PLEC: variants seen among roughly 807,000 people sequenced by gnomAD.
The protein encoded by PLEC is plectin.
Under a neutral mutation model 392.8 loss-of-function variants are expected in PLEC, and 216 were observed. That is an observed-to-expected ratio of 0.55 (90% confidence interval 0.49 to 0.62). The LOEUF (loss-of-function observed/expected upper bound fraction) is 0.62. Among genes scored for constraint, PLEC ranks in the 20% least tolerant of loss-of-function variants. The pLI is 0.00. For missense variants in PLEC, 6,863 were observed against 6,563.4 expected, an observed-to-expected ratio of 1.05 and a Z score of -1.58; for synonymous variants, 3,621 against 2,980.6, an observed-to-expected ratio of 1.21 and a Z score of -7.00.
intron 1 of PLEC, among the ~76,000 whole-genome samples, chr8:143,945,792 G>A (rs1054709849): frequency 1.3e-5 from 2 of 152,196 alleles, no homozygotes; most frequent in Admixed American, 6.5e-5. Context: ...GGAAGCCCGC[G>A]GACAACAAGA....
At chr8:143,950,538 C>A (rs1587360659) in exon 1 of PLEC, 2 of 1,607,762 alleles carry the variant, frequency 1.2e-6, no homozygotes, top group Non-Finnish European at 8.5e-7. Context: ...AGGCCCCGTG[C>A]CCGCAGGGAC....
At position 143,925,237 on chromosome 8, in the gene PLEC, C is replaced by T; in HGVS notation, c.4692G>A (p.Gln1564=). Residue 1564 remains glutamine, a synonymous_variant, in exon 31 of 32, where the codon CAG becomes CAA. Coordinates refer to ENST00000345136, the MANE Select transcript of PLEC (RefSeq NM_201384.3). Reference sequence around the variant, plus strand: ...TGCGCTGCGCCGTCTCCAGGGCCACCTGTACCTGCCGCGCTCGCTCCACCT... The same window carrying T: ...TGCGCTGCGCCGTCTCCAGGGCCACTTGTACCTGCCGCGCTCGCTCCACCT... ...QAEVERARQV[Q]VALETAQRSA... is the part of the protein sequence containing the mutation. 6.3e-7 allele frequency: 1 copy of T among 1,589,590 alleles called. No homozygotes were observed. The highest frequency in any genetic ancestry group is 2.2e-5 in the East Asian group (1 of 44,450).
chr8:143,921,198 G>A lies in PLEC; in HGVS notation c.8623C>T (p.Pro2875Ser). ...LQLLERCVED[P>S]ETGLCLLPLT... The stretch of plus-strand genomic sequence containing the variant: ...GGCAGAAGGCACAGGCCCGTCTCGG[G>A]GTCCTCCACGCAGCGCTCCAGTAGC... Residue 2875 changes from proline (P) to serine (S), a missense_variant, in exon 32 of 32, where the codon CCC becomes TCC. By Grantham distance (74) the Pro-to-Ser change is moderately conservative (BLOSUM62 -1). Transcript: ENST00000345136. 1 of 1,614,014 alleles carries A rather than the reference G, an allele frequency of 6.2e-7. No individual in the cohort carries two copies.
intron 2 of PLEC, 35 bp from the exon 3 acceptor site, chr8:143,938,275 C>T: frequency 6.4e-7 from 1 of 1,558,558 alleles, no homozygotes; most frequent in Non-Finnish European, 8.7e-7. Context: ...TGGCCAGTCC[C>T]CCAGAGCCAC....
rs370145018 is a variant in PLEC at position 143,922,589 on chromosome 8, C to T, written c.7340G>A (p.Arg2447His). Residue 2447 changes from arginine (R) to histidine (H), a missense_variant, in exon 31 of 32, where the codon CGC (arginine) becomes CAC (histidine). Coordinates refer to ENST00000345136, the MANE Select transcript of PLEC (RefSeq NM_201384.3). The part of the protein sequence containing the change: ...QRQQSDHDAE[R>H]LREAIAELER... Reference sequence around the variant, plus strand: ...CAGCTCAGCGATGGCCTCCCGCAGGCGCTCGGCATCATGGTCACTCTGCTG... The same window carrying T: ...CAGCTCAGCGATGGCCTCCCGCAGGTGCTCGGCATCATGGTCACTCTGCTG... 41 of 1,613,466 alleles carry T rather than the reference C, an allele frequency of 2.5e-5. No homozygotes were observed. In the Admixed American group the frequency reaches 3.7e-4, roughly 14 times the overall value.
chr8:143,939,559 A>C lies in PLEC; in HGVS notation c.-98T>G. 6.5e-7 allele frequency: 1 copy of C among 1,530,660 alleles called. No homozygotes were observed. 94.8% of individuals were successfully genotyped at this position (1,530,660 alleles called of 1,614,324 possible). ...CAGGCAGCTGAAGGCTGGCGGCCCC[A>C]CGAGACGCTCACTCGGCACAGGCTC... On this transcript the variant is annotated 5_prime_UTR_variant, in exon 1 of 32. Transcript: ENST00000345136.
Position 143,935,275 on chromosome 8 carries a change from G to C in PLEC, c.641C>G (p.Thr214Ser), listed in dbSNP as rs782443564. 11 of 1,610,260 alleles carry C rather than the reference G, an allele frequency of 6.8e-6. No homozygotes were observed. The East Asian group carries it at 2.5e-4, about 36-fold the overall frequency. Residue 214 changes from threonine to serine, a missense_variant, in exon 7 of 32, where the codon ACC becomes AGC. By Grantham distance (58) the Thr-to-Ser change is moderately conservative (BLOSUM62 1). Coordinates refer to ENST00000345136, the MANE Select transcript of PLEC (RefSeq NM_201384.3). Reference protein sequence around the residue: ...LIDMNKVYRQTNLENLDQAFS... With the variant: ...LIDMNKVYRQSNLENLDQAFS... ...GGCCTGGTCCAGGTTCTCCAGGTTG[G>C]TCTGCCGGTACACCTTGTTCATGTC...
At chr8:143,961,003 G>A (rs569540215) in intron 1 of PLEC, among the ~76,000 whole-genome samples, 45 of 152,330 alleles carry the variant, frequency 3.0e-4, no homozygotes, top group Non-Finnish European at 5.3e-4. Context: ...AGAGCGGCAC[G>A]TGTGGGCCCA....
In PLEC at chr8:143,924,813, G is replaced by C. The variant is rs782526557; in HGVS notation, c.5116C>G (p.Gln1706Glu). ...TCCTGCTCCGCGGCCAGGCGCTGCT[G>C]CGCGGTGCCTTCCGCCAGCTGCCGC... ...KQRQLAEGTA[Q>E]QRLAAEQELI... The change falls in exon 31 of 32, where the codon CAG (glutamine) becomes GAG (glutamate). Residue 1706 changes from glutamine (Q) to glutamate (E), a missense_variant. Physicochemically the swap from Gln to Glu is conservative, Grantham distance 29. Coordinates refer to ENST00000345136, the MANE Select transcript of PLEC (RefSeq NM_201384.3). 3.2e-6 allele frequency: 5 copies of C among 1,540,224 alleles called. No individual in the cohort carries two copies. The highest frequency in any genetic ancestry group is 4.3e-6 in the Non-Finnish European group (5 of 1,149,750).
At position 143,918,135 on chromosome 8, in the gene PLEC, C is replaced by T. The variant is rs782396091; in HGVS notation, c.11686G>A (p.Glu3896Lys). The T allele has an allele frequency of 5.6e-6, 9 of 1,599,436 alleles. No homozygotes were observed. The highest frequency in any genetic ancestry group is 7.6e-6 in the Non-Finnish European group (9 of 1,179,326). The stretch of plus-strand genomic sequence containing the variant: ...TCCATGACCTGCGAGCGCACCAGCT[C>T]CTCCATGGTGATCTGCTTCCGCAGG... ...RGLRKQITME[E>K]LVRSQVMDEA... The change falls in exon 32 of 32, where the codon GAG becomes AAG. Residue 3896 changes from glutamate (E) to lysine (K), a missense_variant. Glu to Lys is a moderately conservative substitution (Grantham distance 56). Transcript: ENST00000345136.
In PLEC at chr8:143,923,416, CT is replaced by C; in HGVS notation, c.6512del (p.Lys2171ArgfsTer18). ...QAADAEMEKH[K>X]KFAEQTLRQK... ...GCCGCAGCGTCTGCTCGGCGAATTT[CT>C]TATGCTTCTCCATCTCCGCGTCAGC... On this transcript the variant is annotated frameshift_variant, in exon 31 of 32. Transcript: ENST00000345136. LOFTEE classifies it high-confidence loss of function. 5 of 1,610,752 alleles carry C rather than the reference CT, an allele frequency of 3.1e-6. No individual in the cohort carries two copies. The highest frequency in any genetic ancestry group is 3.4e-6 in the Non-Finnish European group (4 of 1,179,820).
At chr8:143,948,706 C>A (rs1554733532) in intron 1 of PLEC, among the ~76,000 whole-genome samples, 1 of 152,222 alleles carries the variant, frequency 6.6e-6, no homozygotes, top group Non-Finnish European at 1.5e-5. Context: ...CCCAGCACAC[C>A]CCACTCTTGG....
intron 1 of PLEC, among the ~76,000 whole-genome samples, chr8:143,971,043 C>T (rs571112644): frequency 2.4e-4 from 37 of 152,208 alleles, no homozygotes; most frequent in African/African-American, 8.7e-4. Flanking sequence ...AGGAAGTTGG[C>T]GATGTTCCAA....
chr8:143,955,842 C>T (rs1832559145), upstream of PLEC, among the ~76,000 whole-genome samples: 1 of 152,082 alleles, frequency 6.6e-6, no homozygotes, highest in Non-Finnish European at 1.5e-5. Context: ...TCAAGCAATC[C>T]TCCCACCTCC....
At position 143,969,213 on chromosome 8, in the gene PLEC, C is replaced by T. The variant is rs1320694666; in HGVS notation, c.70+4190G>A. Among the ~76,000 whole-genome samples, 1 of 152,204 alleles carries T rather than the reference C, an allele frequency of 6.6e-6. No homozygotes were observed. Among genetic ancestry groups the T allele is most frequent in the African/African-American group, 2.4e-5 (1 of 41,436 alleles). ...GGTGCTGATGGCGCGGCGATGTGAG[C>T]AGCCCTGACAGCGTCCCGGCAAGTC... On this transcript the variant is annotated intron_variant, in intron 1 of 31. Transcript: ENST00000356346. This position sits in a 1 kb window ranked among gnomAD's most constrained non-coding sequence, Gnocchi z 5.1.
upstream of PLEC, among the ~76,000 whole-genome samples, chr8:143,940,866 C>T (rs56317026): frequency 0.078 from 11,905 of 152,250 alleles, 1,562 homozygotes; most frequent in African/African-American, 0.27. Flanking sequence ...ACATCGTACA[C>T]GCCGCCCAAC....
chr8:143,974,446 T>A (rs2133000141), upstream of PLEC, among the ~76,000 whole-genome samples: 1 of 152,350 alleles, frequency 6.6e-6, no homozygotes, highest in Admixed American at 6.5e-5. The surrounding 1 kb of genome is among the most constrained non-coding windows in gnomAD (Gnocchi z 5.9). Context: ...AACCAGACCC[T>A]GGGGCTGGAG....
upstream of PLEC, chr8:143,953,763 G>C: frequency 6.2e-7 from 1 of 1,612,256 alleles, no homozygotes; most frequent in East Asian, 2.2e-5. Flanking sequence ...TGGCTCGCGA[G>C]GGGTCCATGT....
upstream of PLEC, chr8:143,942,497 C>T (rs1554729551): frequency 1.3e-6 from 2 of 1,581,440 alleles, no homozygotes; most frequent in Non-Finnish European, 1.7e-6. Flanking sequence ...GAGGCAAAGG[C>T]GCCCCCCGCC....
Sources: gnomAD v4.1 joint callset for allele counts (sites outside exome capture counted in the v4.1 genomes callset) on GRCh38, gnomAD v4.1.1 for gene constraint, Gnocchi (gnomAD v3.1) non-coding constraint, MANE v1.5 for transcripts, NCBI Gene and HGNC (gene_info 2026-07-23, HGNC 2026-07-21) for gene names.